COL13A1: variants seen among roughly 807,000 people sequenced by gnomAD.
COL13A1 encodes the protein collagen type XIII alpha 1 chain.
A neutral mutation model predicts 130.9 loss-of-function variants in COL13A1; 89 were observed. That is an observed-to-expected ratio of 0.68 (90% confidence interval 0.57 to 0.81). The LOEUF is 0.81. COL13A1 is among the 30% of genes least tolerant of loss of function. COL13A1 has a pLI of 0.00. For missense variants in COL13A1, 879 were observed against 934.6 expected, an observed-to-expected ratio of 0.94 and a Z score of 0.78; for synonymous variants, 402 against 341.6, an observed-to-expected ratio of 1.18 and a Z score of -1.95.
chr10:69,958,759 TAC>T lies in COL13A1; in HGVS notation c.*60_*61del. ...TTTGTACATAGAATATTTATTTTTA[TAC>T]AGTTTTCACTTTTTGAAAATGCCAG... On this transcript the variant is annotated 3_prime_UTR_variant, in exon 41 of 41. Transcript: ENST00000645393. 1.2e-6 allele frequency: 2 copies of T among 1,609,118 alleles called. No individual in the cohort carries two copies. The highest frequency in any genetic ancestry group is 1.1e-5 in the South Asian group (1 of 90,020).
chr10:69,943,540 C>T lies in COL13A1; in HGVS notation c.1915-585C>T, dbSNP rs117656544. Among the ~76,000 whole-genome samples, 1,192 of 151,960 alleles carry T rather than the reference C, an allele frequency of 7.8e-3. 15 individuals carry two copies. The highest frequency in any genetic ancestry group is 0.037 in the Admixed American group (560 of 15,278). On this transcript the variant is annotated intron_variant, in intron 35 of 40. Coordinates refer to ENST00000645393, the MANE Select transcript of COL13A1 (RefSeq NM_001368882.1). ...CCTCCCTGCCAGGCCGGTGTCGGTG[C>T]AGACATTGAGGCACCCTAATTCACC... is the stretch of plus-strand genomic sequence containing the variant.
intron 33 of COL13A1, among the ~76,000 whole-genome samples, 179 bp from the exon 34 acceptor site, chr10:69,937,456 G>A (rs910992928): frequency 1.3e-5 from 2 of 152,100 alleles, no homozygotes; most frequent in Non-Finnish European, 2.9e-5. Context: ...AGGATACAGG[G>A]GCTACTAACT....
chr10:69,915,106 A>G (rs1329780786), intron 17 of COL13A1, among the ~76,000 whole-genome samples: 1 of 152,268 alleles, frequency 6.6e-6, no homozygotes, highest in Non-Finnish European at 1.5e-5. Flanking sequence ...CCTAGGCTGC[A>G]TGACCTTGGC....
intron 2 of COL13A1, among the ~76,000 whole-genome samples, chr10:69,854,745 A>G (rs1265334691): frequency 6.6e-6 from 1 of 152,096 alleles, no homozygotes; most frequent in African/African-American, 2.4e-5. Flanking sequence ...GAAGTACAAG[A>G]AACAGTGCTG....
chr10:69,931,661 G>A (rs1455193461), intron 30 of COL13A1, among the ~76,000 whole-genome samples: 1 of 152,192 alleles, frequency 6.6e-6, no homozygotes, highest in Non-Finnish European at 1.5e-5. Context: ...GCACCATGGG[G>A]CAGCCCCAGG....
intron 1 of COL13A1, among the ~76,000 whole-genome samples, chr10:69,809,769 A>G (rs1235302598): frequency 6.6e-6 from 1 of 152,258 alleles, no homozygotes; most frequent in Non-Finnish European, 1.5e-5. Context: ...TCTTTGTTGT[A>G]AGAAAGACAT....
At chr10:69,919,510 A>AT (rs538907918) in intron 20 of COL13A1, among the ~76,000 whole-genome samples, 155 bp from the exon 21 acceptor site, 45 of 152,348 alleles carry the variant, frequency 3.0e-4, no homozygotes, top group Non-Finnish European at 6.3e-4. Context: ...CTTATGTGGC[A>AT]TTTTCAAAAC....
intron 31 of COL13A1, among the ~76,000 whole-genome samples, chr10:69,933,849 C>G (rs3858162): frequency 6.6e-6 from 1 of 152,130 alleles, no homozygotes; most frequent in Non-Finnish European, 1.5e-5. Flanking sequence ...GCACTTCCCT[C>G]GTGCCAAGCA....
At chr10:69,937,457 G>C (rs2067084580) in intron 33 of COL13A1, among the ~76,000 whole-genome samples, 178 bp from the exon 34 acceptor site, 1 of 152,144 alleles carries the variant, frequency 6.6e-6, no homozygotes, top group Admixed American at 6.5e-5. Flanking sequence ...GGATACAGGG[G>C]CTACTAACTG....
chr10:69,899,104 C>A (rs750292558), intron 14 of COL13A1, among the ~76,000 whole-genome samples: 15 of 152,308 alleles, frequency 9.8e-5, no homozygotes, highest in Non-Finnish European at 1.6e-4. Context: ...GAAATCGAGG[C>A]TCAGAGAGGT....
chr10:69,840,845 G>A (rs1589373113), intron 2 of COL13A1, among the ~76,000 whole-genome samples: 2 of 152,238 alleles, frequency 1.3e-5, no homozygotes, highest in East Asian at 1.9e-4. Context: ...TGGCAACAGA[G>A]TCGGGAACCA....
chr10:69,870,684 A>G (rs1174302889), intron 3 of COL13A1, among the ~76,000 whole-genome samples: 1 of 152,134 alleles, frequency 6.6e-6, no homozygotes, highest in Non-Finnish European at 1.5e-5. Flanking sequence ...TCTCATTCCA[A>G]GAAACATTTT....
intron 14 of COL13A1, among the ~76,000 whole-genome samples, chr10:69,900,145 T>G (rs1317969955): frequency 6.6e-6 from 1 of 152,066 alleles, no homozygotes; most frequent in Non-Finnish European, 1.5e-5. Flanking sequence ...CCCACCCCTG[T>G]CACCCACCCC....
chr10:69,827,255 A>T (rs987087000), intron 2 of COL13A1, among the ~76,000 whole-genome samples: 5 of 152,194 alleles, frequency 3.3e-5, no homozygotes, highest in African/African-American at 9.6e-5. Flanking sequence ...AGATGTCAAG[A>T]CTACAAAGAG....
chr10:69,809,018 C>G (rs993965582), intron 1 of COL13A1, among the ~76,000 whole-genome samples: 2 of 152,202 alleles, frequency 1.3e-5, no homozygotes, highest in South Asian at 2.1e-4. Flanking sequence ...GGCACCCACC[C>G]CCTCCCATCC....
Position 69,876,908 on chromosome 10 carries a change from A to G in COL13A1, c.436-1131A>G, listed in dbSNP as rs180950164. Among the ~76,000 whole-genome samples, 475 of 152,248 alleles carry G rather than the reference A, an allele frequency of 3.1e-3. 2 individuals are homozygous for G. Among genetic ancestry groups the G allele is most frequent in the Non-Finnish European group, 4.6e-3 (312 of 68,006 alleles). On this transcript the variant is annotated intron_variant, in intron 5 of 40. Transcript: ENST00000645393. ...GCCCACAGGGAAGGCTGCAAAATGC[A>G]AAGTGGCAGCTCTGGGCCTTCCCGT... is the stretch of plus-strand genomic sequence containing the variant.
intron 25 of COL13A1, among the ~76,000 whole-genome samples, chr10:69,925,210 AG>A (rs2065192696): frequency 6.6e-6 from 1 of 152,222 alleles, no homozygotes; most frequent in South Asian, 2.1e-4. Context: ...GAGGGGAAAG[AG>A]GAAGGGTATG....
chr10:69,857,961 C>CA (rs1856905366), intron 2 of COL13A1, among the ~76,000 whole-genome samples: 1 of 151,828 alleles, frequency 6.6e-6, no homozygotes, highest in African/African-American at 2.4e-5. Context: ...ACTAAAAATA[C>CA]AAAAAATAGC....
chr10:69,875,795 G>T (rs189494839), intron 5 of COL13A1, among the ~76,000 whole-genome samples: 2 of 152,350 alleles, frequency 1.3e-5, no homozygotes, highest in Admixed American at 1.3e-4. Flanking sequence ...TCTACAAAGG[G>T]CTATAAAGGC....
Sources: gnomAD v4.1 joint callset for allele counts (sites outside exome capture counted in the v4.1 genomes callset) on GRCh38, gnomAD v4.1.1 for gene constraint, MANE v1.5 for transcripts, NCBI Gene and HGNC (gene_info 2026-07-23, HGNC 2026-07-21) for gene names.